The following PDE1A variants were observed in gnomAD, a reference collection of about 807,000 sequenced individuals.
The protein encoded by PDE1A is dual specificity calcium/calmodulin-dependent 3',5'-cyclic nucleotide phosphodiesterase 1A.
Under a neutral mutation model 61.7 loss-of-function variants are expected in PDE1A, and 35 were observed. The observed-to-expected ratio is 0.57, with a 90% CI of 0.43 to 0.75. PDE1A has a LOEUF of 0.75. Ranked by LOEUF, PDE1A falls within the 30% of genes least tolerant of loss-of-function variation. The pLI is 0.00. For missense variants in PDE1A, 597 were observed against 630.6 expected, an observed-to-expected ratio of 0.95 and a Z score of 0.57; for synonymous variants, 232 against 213.2, an observed-to-expected ratio of 1.09 and a Z score of -0.77.
chr2:182,579,138 G>A, the PDE1A span, among the ~76,000 whole-genome samples: 1 of 152,192 alleles, frequency 6.6e-6, no homozygotes, highest in Admixed American at 6.5e-5. Context: ...ATTATAACAG[G>A]AAAACAGTGA....
At chr2:182,633,188 A>C in the PDE1A span, among the ~76,000 whole-genome samples, 1 of 152,224 alleles carries the variant, frequency 6.6e-6, no homozygotes, top group East Asian at 1.9e-4. Context: ...GGTAAATAGC[A>C]CAACATGAAT....
chr2:182,674,038 C>A, the PDE1A span, among the ~76,000 whole-genome samples: 2 of 144,226 alleles, frequency 1.4e-5, no homozygotes, highest in East Asian at 2.0e-4. Flanking sequence ...TGATTTAAGC[C>A]TAATGGTAAA....
intron 1 of PDE1A, among the ~76,000 whole-genome samples, chr2:182,380,106 C>CTTTTTT (rs1226939777): frequency 3.9e-5 from 4 of 103,854 alleles, no homozygotes; most frequent in Non-Finnish European, 5.6e-5. Flanking sequence ...CCCAGCTCCT[C>CTTTTTT]TTTTTTTTTT....
intron 2 of PDE1A, among the ~76,000 whole-genome samples, chr2:182,487,634 T>C (rs886129100): frequency 4.6e-5 from 7 of 152,188 alleles, no homozygotes; most frequent in African/African-American, 1.7e-4. Context: ...TATTGCCTGA[T>C]AGATCATTTA....
intron 7 of PDE1A, among the ~76,000 whole-genome samples, chr2:182,221,019 T>TTAAAA: frequency 6.6e-6 from 1 of 152,070 alleles, no homozygotes; most frequent in East Asian, 1.9e-4. Context: ...ATACAGAGTT[T>TTAAAA]TAAAATATAA....
At chr2:182,310,081 C>A (rs1000728674) in intron 1 of PDE1A, among the ~76,000 whole-genome samples, 11 of 151,974 alleles carry the variant, frequency 7.2e-5, no homozygotes, top group African/African-American at 2.4e-4. Flanking sequence ...ATAGATGAGG[C>A]AAAAATGAAA....
At chr2:182,327,108 T>A (rs1241855867) in intron 1 of PDE1A, among the ~76,000 whole-genome samples, 1 of 152,198 alleles carries the variant, frequency 6.6e-6, no homozygotes, top group Non-Finnish European at 1.5e-5. Flanking sequence ...CACTATGGTA[T>A]ATAAAACAAA....
chr2:182,571,181 G>A, the PDE1A span, among the ~76,000 whole-genome samples: 27 of 152,142 alleles, frequency 1.8e-4, no homozygotes, highest in Admixed American at 2.0e-4. Flanking sequence ...AATGGTAAGA[G>A]CTATTTTCAT....
At chr2:182,578,628 T>C in the PDE1A span, among the ~76,000 whole-genome samples, 1 of 152,190 alleles carries the variant, frequency 6.6e-6, no homozygotes, top group South Asian at 2.1e-4. Flanking sequence ...GTTGAATAAG[T>C]ACATTTATAC....
At chr2:182,665,374 A>T in the PDE1A span, among the ~76,000 whole-genome samples, 1 of 152,172 alleles carries the variant, frequency 6.6e-6, no homozygotes, top group Admixed American at 6.5e-5. Context: ...ATTTACAGGA[A>T]AAAAAGAAAT....
At chr2:182,678,756 A>C in the PDE1A span, among the ~76,000 whole-genome samples, 1 of 152,196 alleles carries the variant, frequency 6.6e-6, no homozygotes, top group Non-Finnish European at 1.5e-5. Context: ...AGTTGATCTC[A>C]TACAAGTAGA....
At chr2:182,182,152 T>A (rs1487846368) in intron 13 of PDE1A, among the ~76,000 whole-genome samples, 1 of 152,166 alleles carries the variant, frequency 6.6e-6, no homozygotes, top group Non-Finnish European at 1.5e-5. Context: ...GGCACATGCA[T>A]CTTTAAATTT....
chr2:182,470,792 C>A (rs1236266002), intron 2 of PDE1A, among the ~76,000 whole-genome samples: 1 of 151,780 alleles, frequency 6.6e-6, no homozygotes, highest in African/African-American at 2.4e-5. Flanking sequence ...TGAAGAGAAT[C>A]TCAACTGTGT....
intron 2 of PDE1A, among the ~76,000 whole-genome samples, chr2:182,468,439 C>T (rs1686813593): frequency 6.6e-6 from 1 of 151,938 alleles, no homozygotes; most frequent in African/African-American, 2.4e-5. Flanking sequence ...AATATTATTA[C>T]AAGATTGAAG....
intron 1 of PDE1A, among the ~76,000 whole-genome samples, chr2:182,425,351 G>T (rs1016165338): frequency 6.6e-6 from 1 of 152,112 alleles, no homozygotes; most frequent in Non-Finnish European, 1.5e-5. Flanking sequence ...AACTTTTTAG[G>T]AAATATGGTA....
chr2:182,511,750 G>C (rs1689809739), intron 2 of PDE1A, among the ~76,000 whole-genome samples: 1 of 152,098 alleles, frequency 6.6e-6, no homozygotes, highest in Non-Finnish European at 1.5e-5. Flanking sequence ...CCTCTCCCCA[G>C]AGTCCTTGCT....
At chr2:182,331,994 G>A (rs773433739) in intron 1 of PDE1A, among the ~76,000 whole-genome samples, 9 of 152,156 alleles carry the variant, frequency 5.9e-5, no homozygotes, top group African/African-American at 7.2e-5. Context: ...CCAATCAAAC[G>A]TAGGTTTGGT....
At chr2:182,425,238 G>C (rs543285605) in intron 1 of PDE1A, among the ~76,000 whole-genome samples, 1 of 152,262 alleles carries the variant, frequency 6.6e-6, no homozygotes, top group South Asian at 2.1e-4. Context: ...TCTGTGAGTT[G>C]TGCCTCACTG....
At chr2:182,246,016 C>A (rs888858546) in intron 2 of PDE1A, among the ~76,000 whole-genome samples, 1 of 152,224 alleles carries the variant, frequency 6.6e-6, no homozygotes, top group African/African-American at 2.4e-5. Flanking sequence ...CCCCCTCTTG[C>A]TCCTGACCCC....
Sources: allele counts gnomAD v4.1 joint callset (sites outside exome capture counted in the v4.1 genomes callset), GRCh38; gene constraint gnomAD v4.1.1; transcripts MANE v1.5; gene names NCBI Gene and HGNC (gene_info 2026-07-23, HGNC 2026-07-21).